The following IAPP variants were observed in gnomAD, a reference collection of about 807,000 sequenced individuals.
The protein encoded by IAPP is Islet amyloid polypeptide (diabetes-associated peptide; amylin).
Under a neutral mutation model 2.9 loss-of-function variants are expected in IAPP, and 4 were observed. The ratio of observed to expected loss-of-function variants is 1.39; its 90% CI spans 0.69 to 3.19. IAPP has a LOEUF of 3.19. Among genes scored for constraint, IAPP ranks in the 30% most tolerant of loss-of-function variants. The probability of loss-of-function intolerance (pLI) is 0.01; values close to 1 mark genes in which losing one functional copy is unlikely to be tolerated. For missense variants in IAPP, 114 were observed against 105.3 expected (o/e 1.08, Z -0.36); for synonymous variants, 40 against 42.1 (o/e 0.95, Z 0.19).
Position 21,378,533 on chromosome 12 carries a change from T to C in IAPP, c.*107T>C. ...GTGAATATATGGTCTGTGTGTCTGA[T>C]GTTTGTTGCTAGGACATATACCTTC... is the stretch of plus-strand genomic sequence containing the variant. On this transcript the variant is annotated 3_prime_UTR_variant, in exon 3 of 3. Transcript: ENST00000240652. 1.1e-6 allele frequency: 1 copy of C among 938,462 alleles called. No homozygotes were observed. Among genetic ancestry groups the C allele is most frequent in the East Asian group, 2.5e-5 (1 of 40,012 alleles). The allele number at this position is 938,462 out of a possible 1,614,324, so 58.1% of individuals were successfully genotyped here.
At chr12:21,368,793 G>C (rs1939577642), upstream of IAPP, among the ~76,000 whole-genome samples, 1 of 152,046 alleles carries the variant, frequency 6.6e-6, no homozygotes, top group Admixed American at 6.6e-5. Flanking sequence ...ATAGAAAAAA[G>C]ATGTACACCT....
At chr12:21,357,897 C>T (rs545231837) in intron 1 of IAPP, among the ~76,000 whole-genome samples, 1 of 152,192 alleles carries the variant, frequency 6.6e-6, no homozygotes, top group East Asian at 1.9e-4. Context: ...AAAATATAAA[C>T]ATGCAAACCA....
chr12:21,355,448 AG>A (rs1195438839), intron 1 of IAPP, among the ~76,000 whole-genome samples: 4 of 152,226 alleles, frequency 2.6e-5, no homozygotes, highest in African/African-American at 9.6e-5. Context: ...GAGAGCCATG[AG>A]TAATCAATAA....
intron 2 of IAPP, chr12:21,374,471 T>A (rs1282557412): frequency 2.0e-5 from 3 of 152,108 alleles, no homozygotes; most frequent in Admixed American, 1.3e-4. Context: ...TTTGTTTTCC[T>A]TCGAGGTAGT....
At chr12:21,363,466 T>C (rs551035814) in intron 1 of IAPP, among the ~76,000 whole-genome samples, 1 of 152,236 alleles carries the variant, frequency 6.6e-6, no homozygotes, top group East Asian at 1.9e-4. Flanking sequence ...ATTGACACCC[T>C]AACATCACAA....
In IAPP at chr12:21,378,520, T is replaced by G. The variant is rs1434689384; in HGVS notation, c.*94T>G. On this transcript the variant is annotated 3_prime_UTR_variant, in exon 3 of 3. Transcript: ENST00000240652. ...TTTCATCTCCAGTGTGAATATATGG[T>G]CTGTGTGTCTGATGTTTGTTGCTAG... The G allele has an allele frequency of 1.5e-5, 15 of 1,029,834 alleles. No homozygotes were observed. The highest frequency in any genetic ancestry group is 2.3e-5 in the Non-Finnish European group (15 of 659,332). 63.8% of individuals were successfully genotyped at this position (1,029,834 alleles called of 1,614,324 possible).
chr12:21,373,202 A>G (rs1363526362), intron 1 of IAPP, 135 bp from the exon 2 acceptor site: 1 of 671,858 alleles, frequency 1.5e-6, no homozygotes, highest in Non-Finnish European at 2.7e-6. Context: ...AAGGGACTGT[A>G]TCAATAAAAA....
intron 1 of IAPP, among the ~76,000 whole-genome samples, chr12:21,367,252 T>G (rs12817281): frequency 0.052 from 7,853 of 152,282 alleles, 284 homozygotes; most frequent in Non-Finnish European, 0.079. Context: ...GGTCTCAGTC[T>G]TTCATGTGTC....
At chr12:21,364,466 C>A (rs1939206396) in intron 1 of IAPP, among the ~76,000 whole-genome samples, 1 of 152,164 alleles carries the variant, frequency 6.6e-6, no homozygotes, top group African/African-American at 2.4e-5. Context: ...AAACTGGAAG[C>A]ATTCCCTTTG....
Position 21,361,936 on chromosome 12 carries a change from G to A in IAPP, c.-16+6923G>A, listed in dbSNP as rs147213815. On this transcript the variant is annotated intron_variant, in intron 1 of 2. Transcript: ENST00000539393. ...ACGTCTGATTGGTGTACCTGAAAATGACGGGGAGAATGGAACCAAGTTGGA... is the reference window on the plus strand; with the variant it reads ...ACGTCTGATTGGTGTACCTGAAAATAACGGGGAGAATGGAACCAAGTTGGA... Among the ~76,000 whole-genome samples, 127 of 152,276 alleles carry A rather than the reference G, an allele frequency of 8.3e-4. 1 individual carries two copies. The East Asian group carries it at 0.022, about 26-fold the overall frequency.
intron 1 of IAPP, among the ~76,000 whole-genome samples, chr12:21,363,319 C>A (rs2137056759): frequency 6.6e-6 from 1 of 152,244 alleles, no homozygotes; most frequent in South Asian, 2.1e-4. Flanking sequence ...GAAATGAAGG[C>A]AGAAATAAAG....
upstream of IAPP, among the ~76,000 whole-genome samples, chr12:21,369,359 C>T (rs1200168820): frequency 1.3e-5 from 2 of 152,164 alleles, no homozygotes; most frequent in Non-Finnish European, 2.9e-5. Flanking sequence ...CATGATCTCA[C>T]TGACATCGTC....
rs781162887 is a variant in IAPP, at chr12:21,378,225, C to T, written c.81-12C>T. 4.3e-6 allele frequency: 7 copies of T among 1,613,060 alleles called. No homozygotes were observed. The African/African-American group carries it at 9.3e-5, about 22-fold the overall frequency. On this transcript the variant is annotated splice_polypyrimidine_tract_variant and intron_variant, in intron 2 of 2. Coordinates refer to ENST00000240652, the MANE Select transcript of IAPP (RefSeq NM_000415.3). ...AAGGCTCTAACTTTTCACATTTGTT[C>T]CATGTTACCAGTCATCAGGTGGAAA... is the stretch of plus-strand genomic sequence containing the variant.
chr12:21,355,263 A>G (rs1352086272), intron 1 of IAPP, among the ~76,000 whole-genome samples: 1 of 152,170 alleles, frequency 6.6e-6, no homozygotes, highest in East Asian at 1.9e-4. Flanking sequence ...AGTCTTTAAA[A>G]TGTGCATACA....
intron 1 of IAPP, among the ~76,000 whole-genome samples, chr12:21,361,097 T>C (rs528918417): frequency 5.3e-5 from 8 of 152,114 alleles, no homozygotes; most frequent in Non-Finnish European, 1.0e-4. Context: ...CTCAAGTGGG[T>C]CCCTGACCCC....
rs748654986 is a variant in IAPP, at chr12:21,378,261, C to T, written c.105C>T (p.Cys35=). 9 of 1,614,120 alleles carry T rather than the reference C, an allele frequency of 5.6e-6. No homozygotes were observed. The highest frequency in any genetic ancestry group is 7.6e-6 in the Non-Finnish European group (9 of 1,179,976). ...GTCATCAGGTGGAAAAGCGGAAATG[C>T]AACACTGCCACATGTGCAACGCAGC... ...IESHQVEKRK[C]NTATCATQRL... Residue 35 remains cysteine (C), a synonymous_variant, in exon 3 of 3, where the codon TGC becomes TGT. Coordinates refer to ENST00000240652, the MANE Select transcript of IAPP (RefSeq NM_000415.3).
intron 1 of IAPP, among the ~76,000 whole-genome samples, chr12:21,358,653 A>G (rs1037758620): frequency 6.6e-6 from 1 of 151,944 alleles, no homozygotes; most frequent in Admixed American, 6.5e-5. Context: ...TTAATTTTTT[A>G]TAATTAAAAA....
Position 21,378,403 on chromosome 12 carries a change from C to G in IAPP, c.247C>G (p.Pro83Ala). Reference sequence around the variant, plus strand: ...TGCAGTAGAGGTTTTAAAGAGAGAGCCACTGAATTACTTGCCCCTTTAGAG... The same window carrying G: ...TGCAGTAGAGGTTTTAAAGAGAGAGGCACTGAATTACTTGCCCCTTTAGAG... ...RNAVEVLKRE[P>A]LNYLPL The change falls in exon 3 of 3, where the codon CCA (proline) becomes GCA (alanine). Residue 83 changes from proline (P) to alanine (A), a missense_variant. Coordinates refer to ENST00000240652, the MANE Select transcript of IAPP (RefSeq NM_000415.3). 6.2e-7 allele frequency: 1 copy of G among 1,613,730 alleles called. No individual in the cohort carries two copies. Among genetic ancestry groups the G allele is most frequent in the Non-Finnish European group, 8.5e-7 (1 of 1,179,634 alleles).
At chr12:21,355,874 C>A (rs866384175) in intron 1 of IAPP, among the ~76,000 whole-genome samples, 15 of 151,650 alleles carry the variant, frequency 9.9e-5, no homozygotes, top group Admixed American at 2.0e-4. Flanking sequence ...TCTAATTAAC[C>A]AAAAAAGGCT....
Sources: allele counts gnomAD v4.1 joint callset (sites outside exome capture counted in the v4.1 genomes callset), GRCh38; gene constraint gnomAD v4.1.1; transcripts MANE v1.5; gene names NCBI Gene and HGNC (gene_info 2026-07-23, HGNC 2026-07-21).